The following CCDC88C variants were observed in gnomAD, a reference collection of about 807,000 sequenced individuals.
CCDC88C encodes the protein coiled-coil and HOOK domain protein 88C, also known as protein Daple.
In CCDC88C, 131 loss-of-function variants were observed where a neutral mutation model predicts 198.8. The ratio of observed to expected loss-of-function variants is 0.66; its 90% CI spans 0.57 to 0.76. The LOEUF (loss-of-function observed/expected upper bound fraction) is 0.76, where lower values mean the gene tolerates loss of function less well. Among genes scored for constraint, CCDC88C ranks in the 30% least tolerant of loss-of-function variants. CCDC88C has a pLI of 0.00. For missense variants in CCDC88C, 2,553 were observed against 2,631.6 expected, an observed-to-expected ratio of 0.97 and a Z score of 0.65; for synonymous variants, 1,166 against 1,114.7, an observed-to-expected ratio of 1.05 and a Z score of -0.92.
In CCDC88C at chr14:91,352,440, C is replaced by T. The variant is rs889941003; in HGVS notation, c.340+7202G>A. The stretch of plus-strand genomic sequence containing the variant: ...GGACTGGAGCCCTCATTTCCGGATC[C>T]AACAAGCAGCACAGAAGCAAAGAAG... On this transcript the variant is annotated intron_variant, in intron 4 of 29. Coordinates refer to ENST00000389857, the MANE Select transcript of CCDC88C (RefSeq NM_001080414.4). The surrounding 1 kb of genome is among the most constrained non-coding windows in gnomAD (Gnocchi z 4.2). Among the ~76,000 whole-genome samples the T allele has an allele frequency of 2.6e-5, 4 of 152,290 alleles. No homozygotes were observed. Among genetic ancestry groups the T allele is most frequent in the Non-Finnish European group, 4.4e-5 (3 of 68,028 alleles).
intron 14 of CCDC88C, among the ~76,000 whole-genome samples, chr14:91,315,359 A>T (rs944203868): frequency 6.6e-6 from 1 of 152,062 alleles, no homozygotes; most frequent in Non-Finnish European, 1.5e-5. Flanking sequence ...ATGTAGCAGC[A>T]TCCTTGGCCT....
At chr14:91,393,343 A>G (rs575611237) in intron 3 of CCDC88C, among the ~76,000 whole-genome samples, 1 of 151,702 alleles carries the variant, frequency 6.6e-6, no homozygotes, top group South Asian at 2.1e-4. Flanking sequence ...CACCCCCTAA[A>G]CCCCCAGCCC....
At chr14:91,405,924 C>T (rs529769714) in intron 3 of CCDC88C, among the ~76,000 whole-genome samples, 13 of 152,336 alleles carry the variant, frequency 8.5e-5, no homozygotes, top group African/African-American at 3.1e-4. Flanking sequence ...TGTCAGCATA[C>T]ACTGACTGAC....
intron 4 of CCDC88C, among the ~76,000 whole-genome samples, chr14:91,345,188 ATAT>A (rs1163602074): frequency 0.022 from 1,383 of 64,026 alleles, 2 homozygotes; most frequent in Middle Eastern, 0.051. Flanking sequence ...ATATATATAT[ATAT>A]TTTTTTTTTT....
intron 4 of CCDC88C, among the ~76,000 whole-genome samples, chr14:91,355,479 G>C (rs915131161): frequency 1.3e-5 from 2 of 152,160 alleles, no homozygotes; most frequent in African/African-American, 4.8e-5. Context: ...TGAGGCACCA[G>C]ACAGACCCTC....
At chr14:91,321,081 G>A (rs1042953487) in intron 13 of CCDC88C, 39 bp downstream of exon 13, 4 of 1,560,262 alleles carry the variant, frequency 2.6e-6, no homozygotes, top group African/African-American at 1.4e-5. Context: ...GTGCCCAAGG[G>A]TTCTGTGCTT....
At chr14:91,355,946 A>G (rs1263479520) in intron 4 of CCDC88C, among the ~76,000 whole-genome samples, 3 of 152,146 alleles carry the variant, frequency 2.0e-5, no homozygotes, top group African/African-American at 7.2e-5. Flanking sequence ...GTTACCCCAA[A>G]CTATAAAACG....
chr14:91,333,968 C>T (rs539699872), intron 10 of CCDC88C, among the ~76,000 whole-genome samples: 3 of 152,188 alleles, frequency 2.0e-5, no homozygotes, highest in East Asian at 1.9e-4. Context: ...CCTGTTTTCC[C>T]GCTGACCTTT....
rs1287635825 is a variant in CCDC88C at position 91,325,062 on chromosome 14, C to T, written c.1198-139G>A. 2.7e-6 allele frequency: 3 copies of T among 1,108,102 alleles called. No individual in the cohort carries two copies. Among genetic ancestry groups the T allele is most frequent in the East Asian group, 2.6e-5 (1 of 38,930 alleles). 68.6% of individuals were successfully genotyped at this position (1,108,102 alleles called of 1,614,324 possible). ...TCACTTCCAAATAAACAGAGCTGCA[C>T]AGAAACATCCCAACACAGGGCCCTG... On this transcript the variant is annotated intron_variant, in intron 11 of 29. Transcript: ENST00000389857. This position sits in a 1 kb window ranked among gnomAD's most constrained non-coding sequence, Gnocchi z 4.1.
At chr14:91,297,627 C>CTTT in intron 21 of CCDC88C, 136 bp from the exon 22 acceptor site, 1 of 635,296 alleles carries the variant, frequency 1.6e-6, no homozygotes, top group Non-Finnish European at 2.5e-6. Flanking sequence ...CCTCTCTGGG[C>CTTT]TTTTTTTTTT....
Position 91,294,142 on chromosome 14 carries a change from G to C in CCDC88C, c.4112+31C>G, listed in dbSNP as rs200620857. ...GAGGATGTGCAGCTGTGGTGAGGGTGCGGAGAGGGGTTCAGGGACTCCCTG... is the reference window on the plus strand; with the variant it reads ...GAGGATGTGCAGCTGTGGTGAGGGTCCGGAGAGGGGTTCAGGGACTCCCTG... On this transcript the variant is annotated intron_variant, in intron 23 of 29. Coordinates refer to ENST00000389857, the MANE Select transcript of CCDC88C (RefSeq NM_001080414.4). 518 of 1,611,848 alleles carry C rather than the reference G, an allele frequency of 3.2e-4. 2 individuals carry two copies. Among genetic ancestry groups the C allele is most frequent in the Non-Finnish European group, 4.3e-4 (504 of 1,178,218 alleles).
Position 91,288,026 on chromosome 14 carries a change from C to T in CCDC88C, c.4441+1079G>A, listed in dbSNP as rs1202022366. ...TCAGTCACCACTGGCCAGGTGGCCA[C>T]GGTGACAAAACTGACATGGTCATAA... On this transcript the variant is annotated intron_variant, in intron 25 of 29. Coordinates refer to ENST00000389857, the MANE Select transcript of CCDC88C (RefSeq NM_001080414.4). This position sits in a 1 kb window ranked among gnomAD's most constrained non-coding sequence, Gnocchi z 4.2. Among the ~76,000 whole-genome samples, 1 of 152,160 alleles carries T rather than the reference C, an allele frequency of 6.6e-6. No homozygotes were observed.
chr14:91,374,431 G>A (rs1033571175), intron 3 of CCDC88C, among the ~76,000 whole-genome samples: 1 of 152,226 alleles, frequency 6.6e-6, no homozygotes, highest in Non-Finnish European at 1.5e-5. Flanking sequence ...ACATGTGTGT[G>A]TTAAGAAGCA....
Position 91,273,396 on chromosome 14 carries a change from C to A in CCDC88C, c.5316G>T (p.Gln1772His). 4 of 1,538,360 alleles carry A rather than the reference C, an allele frequency of 2.6e-6. No homozygotes were observed. Among genetic ancestry groups the A allele is most frequent in the Non-Finnish European group, 3.5e-6 (4 of 1,142,348 alleles). Residue 1772 changes from glutamine (Q) to histidine (H), a missense_variant, in exon 30 of 30, where the codon CAG becomes CAT. Physicochemically the swap from Gln to His is conservative, Grantham distance 24 (BLOSUM62 0). Around this residue, in one of 2 missense-constraint regions of CCDC88C, gnomAD observed 1,293 missense variants for 1,219.6 expected, o/e 1.06. Transcript: ENST00000389857. This position sits in a 1 kb window ranked among gnomAD's most constrained non-coding sequence, Gnocchi z 5.6. Reference sequence around the variant, plus strand: ...TGCCCAGAGACAGGCTCTGGGGAGGCTGGGCCTGTCTCGGGGCCACGCTGG... The same window carrying A: ...TGCCCAGAGACAGGCTCTGGGGAGGATGGGCCTGTCTCGGGGCCACGCTGG... ...APPSVAPRQA[Q>H]PPQSLSLGRP...
At chr14:91,390,730 G>C (rs1885458176) in intron 3 of CCDC88C, among the ~76,000 whole-genome samples, 1 of 152,074 alleles carries the variant, frequency 6.6e-6, no homozygotes, top group South Asian at 2.1e-4. Flanking sequence ...GAGCCTAAGG[G>C]AGTTACAAAG....
chr14:91,291,893 C>T (rs552057131), intron 23 of CCDC88C, among the ~76,000 whole-genome samples: 12 of 152,220 alleles, frequency 7.9e-5, no homozygotes, highest in Non-Finnish European at 1.3e-4. Flanking sequence ...CTCATACAAA[C>T]AGAAAGCTTC....
intron 2 of CCDC88C, among the ~76,000 whole-genome samples, chr14:91,410,391 T>TC (rs1886733586): frequency 6.6e-6 from 1 of 151,936 alleles, no homozygotes. Flanking sequence ...AGGAAATCAA[T>TC]CTCAATGCCA....
At chr14:91,359,252 G>GATTCACA (rs1393012275) in intron 4 of CCDC88C, among the ~76,000 whole-genome samples, 2 of 110,912 alleles carry the variant, frequency 1.8e-5, no homozygotes, top group African/African-American at 3.3e-5. Flanking sequence ...CAAGCTCCGG[G>GATTCACA]CCATTCTCCT....
Position 91,273,290 on chromosome 14 carries a change from C to A in CCDC88C, c.5422G>T (p.Ala1808Ser). Residue 1808 changes from alanine to serine, a missense_variant, in exon 30 of 30, where the codon GCC (alanine) becomes TCC (serine). By Grantham distance (99) the Ala-to-Ser change is moderately conservative (BLOSUM62 1). Coordinates refer to ENST00000389857, the MANE Select transcript of CCDC88C (RefSeq NM_001080414.4). This position sits in a 1 kb window ranked among gnomAD's most constrained non-coding sequence, Gnocchi z 5.6. ...CTGGCCCGGAGAAGGTCAGCTGAGGCCAGGCTGAAGGCCCGGCTCAAGGAG... is the reference window on the plus strand; with the variant it reads ...CTGGCCCGGAGAAGGTCAGCTGAGGACAGGCTGAAGGCCCGGCTCAAGGAG... Reference protein sequence around the residue: ...SASLSRAFSLASADLLRASGP... With the variant: ...SASLSRAFSLSSADLLRASGP... The A allele has an allele frequency of 1.3e-6, 2 of 1,558,900 alleles. No homozygotes were observed. The highest frequency in any genetic ancestry group is 1.7e-6 in the Non-Finnish European group (2 of 1,150,652).
Sources: gnomAD v4.1 joint callset for allele counts (sites outside exome capture counted in the v4.1 genomes callset) on GRCh38, gnomAD v4.1.1 for gene constraint, gnomAD v4.1.1 regional missense constraint, Gnocchi (gnomAD v3.1) non-coding constraint, MANE v1.5 for transcripts, NCBI Gene and HGNC (gene_info 2026-07-23, HGNC 2026-07-21) for gene names.